SHISA9: variants seen among roughly 807,000 people sequenced by gnomAD.
SHISA9 encodes protein shisa-9.
Under a neutral mutation model 38.0 loss-of-function variants are expected in SHISA9, and 13 were observed. The ratio of observed to expected loss-of-function variants is 0.34; its 90% CI spans 0.22 to 0.54. The LOEUF (loss-of-function observed/expected upper bound fraction) is 0.54, where lower values mean the gene tolerates loss of function less well. Ranked by LOEUF, SHISA9 falls within the 20% of genes least tolerant of loss-of-function variation. The pLI is 0.91. For missense variants in SHISA9, 538 were observed against 575.8 expected (o/e 0.93, Z 0.67); for synonymous variants, 275 against 242.0 (o/e 1.14, Z -1.27).
At chr16:13,407,269 G>C in the SHISA9 span, among the ~76,000 whole-genome samples, 12 of 152,050 alleles carry the variant, frequency 7.9e-5, no homozygotes, top group African/African-American at 2.7e-4. Context: ...CTGATTTGTA[G>C]ATGGCTTCCC....
the SHISA9 span, among the ~76,000 whole-genome samples, chr16:13,287,932 C>T: frequency 2.1e-3 from 322 of 152,172 alleles, 1 homozygote; most frequent in Non-Finnish European, 3.4e-3. Flanking sequence ...GAAGCCCCTT[C>T]GCTAATGGGT....
chr16:13,116,786 C>T (rs1020953758), intron 2 of SHISA9, among the ~76,000 whole-genome samples: 2 of 152,106 alleles, frequency 1.3e-5, no homozygotes, highest in Non-Finnish European at 2.9e-5. Flanking sequence ...AGGTTTCATA[C>T]GTGAATAGTG....
At chr16:12,922,550 C>T (rs527769222) in intron 2 of SHISA9, among the ~76,000 whole-genome samples, 30 of 152,332 alleles carry the variant, frequency 2.0e-4, no homozygotes, top group East Asian at 1.4e-3. Context: ...GATGGAGTCT[C>T]GCTCTGTTAC....
intron 2 of SHISA9, among the ~76,000 whole-genome samples, chr16:13,119,033 T>C (rs1447026604): frequency 6.7e-6 from 1 of 149,988 alleles, no homozygotes; most frequent in Non-Finnish European, 1.5e-5. Flanking sequence ...TGCCTGGCCA[T>C]GTTTTTGTAT....
At chr16:12,945,306 C>A (rs2071674643) in intron 2 of SHISA9, among the ~76,000 whole-genome samples, 1 of 152,142 alleles carries the variant, frequency 6.6e-6, no homozygotes, top group Admixed American at 6.6e-5. Flanking sequence ...ACGGCAGCCC[C>A]TCACAGGTAA....
chr16:13,373,685 C>G, the SHISA9 span, among the ~76,000 whole-genome samples: 2 of 151,414 alleles, frequency 1.3e-5, no homozygotes, highest in Non-Finnish European at 2.9e-5. Flanking sequence ...TTGCTTGAAC[C>G]CAGGAGGCAG....
the SHISA9 span, among the ~76,000 whole-genome samples, chr16:13,312,938 T>C: frequency 6.6e-6 from 1 of 152,084 alleles, no homozygotes; most frequent in African/African-American, 2.4e-5. Flanking sequence ...GATAACAAGA[T>C]GAGGCCCTTA....
At chr16:13,049,153 A>AGTGTCTGTGTGTGT (rs1325522183) in intron 2 of SHISA9, among the ~76,000 whole-genome samples, 2 of 138,404 alleles carry the variant, frequency 1.4e-5, no homozygotes, top group South Asian at 2.4e-4. Flanking sequence ...TTTGGTTAGG[A>AGTGTCTGTGTGTGT]GTATGTGTGT....
At position 13,137,442 on chromosome 16, in the gene SHISA9, C is replaced by T. The variant is rs74012283; in HGVS notation, c.692-65952C>T. On this transcript the variant is annotated intron_variant, in intron 2 of 4. Coordinates refer to ENST00000558583, the MANE Select transcript of SHISA9 (RefSeq NM_001145204.3). ...GGGAGGCTCGTTAGAGAGCCCATAA[C>T]GGAGGATCTAATCTTTTTATTTTTT... Among the ~76,000 whole-genome samples, 505 of 151,886 alleles carry T rather than the reference C, an allele frequency of 3.3e-3. 5 individuals carry two copies. Among genetic ancestry groups the T allele is most frequent in the African/African-American group, 0.012 (479 of 41,456 alleles).
At chr16:13,462,564 C>T in the SHISA9 span, among the ~76,000 whole-genome samples, 57 of 152,230 alleles carry the variant, frequency 3.7e-4, no homozygotes, top group Non-Finnish European at 7.5e-4. Context: ...TGGCTCACAC[C>T]TGTAATCCCA....
At chr16:12,912,720 G>A (rs902684673) in intron 1 of SHISA9, among the ~76,000 whole-genome samples, 14 of 152,252 alleles carry the variant, frequency 9.2e-5, no homozygotes, top group Non-Finnish European at 1.9e-4. Flanking sequence ...TTTCAAAGAC[G>A]TTCAGGATTG....
At chr16:13,284,363 C>A in the SHISA9 span, among the ~76,000 whole-genome samples, 7 of 152,136 alleles carry the variant, frequency 4.6e-5, no homozygotes, top group Non-Finnish European at 8.8e-5. Flanking sequence ...ACCAGTTACC[C>A]TTCCATGGAC....
chr16:12,971,183 A>C (rs145809932), intron 2 of SHISA9, among the ~76,000 whole-genome samples: 1 of 152,154 alleles, frequency 6.6e-6, no homozygotes, highest in South Asian at 2.1e-4. Flanking sequence ...CTTCGGGGCA[A>C]ATATTTAAAA....
chr16:13,087,017 A>C (rs1168695888), intron 2 of SHISA9, among the ~76,000 whole-genome samples: 1 of 144,088 alleles, frequency 6.9e-6, no homozygotes, highest in African/African-American at 2.6e-5. Context: ...CCTGTGTCCA[A>C]GTGATCTCAT....
intron 2 of SHISA9, among the ~76,000 whole-genome samples, chr16:13,093,222 G>T (rs144209230): frequency 3.9e-4 from 60 of 152,216 alleles, no homozygotes; most frequent in African/African-American, 1.4e-3. Context: ...CTTCAACCTA[G>T]GGTGACAAGA....
At chr16:13,462,525 G>A in the SHISA9 span, among the ~76,000 whole-genome samples, 1 of 151,930 alleles carries the variant, frequency 6.6e-6, no homozygotes, top group Non-Finnish European at 1.5e-5. Flanking sequence ...CTAAGGTACA[G>A]GCAAAACTGC....
the SHISA9 span, among the ~76,000 whole-genome samples, chr16:13,252,964 C>T: frequency 6.6e-6 from 1 of 152,194 alleles, no homozygotes; most frequent in African/African-American, 2.4e-5. Context: ...AAGACCAACT[C>T]CTCTTCTCAC....
intron 2 of SHISA9, among the ~76,000 whole-genome samples, chr16:13,196,407 A>AAAAG (rs1567243701): frequency 2.7e-5 from 4 of 150,222 alleles, no homozygotes; most frequent in African/African-American, 1.0e-4. Flanking sequence ...AAAAAAAAAA[A>AAAAG]AAAGAAAGAA....
chr16:12,939,118 C>T (rs1450341799), intron 2 of SHISA9, among the ~76,000 whole-genome samples: 2 of 152,006 alleles, frequency 1.3e-5, no homozygotes, highest in African/African-American at 4.8e-5. Flanking sequence ...GAGTCTCCCT[C>T]TGTCACCCAG....
Sources: gnomAD v4.1 joint callset for allele counts (sites outside exome capture counted in the v4.1 genomes callset) on GRCh38, gnomAD v4.1.1 for gene constraint, MANE v1.5 for transcripts, NCBI Gene and HGNC (gene_info 2026-07-23, HGNC 2026-07-21) for gene names.